The following CFAP299 variants were observed in gnomAD, a reference collection of about 807,000 sequenced individuals.
The protein encoded by CFAP299 is cilia and flagella associated protein 299.
In CFAP299, 21 loss-of-function variants were observed where a neutral mutation model predicts 27.0. The ratio of observed to expected loss-of-function variants is 0.78; its 90% CI spans 0.55 to 1.12. The LOEUF is 1.12. Among genes scored for constraint, CFAP299 ranks in the 50% most tolerant of loss-of-function variants. The pLI is 0.00. For missense variants in CFAP299, 310 were observed against 276.6 expected, an observed-to-expected ratio of 1.12 and a Z score of -0.86; for synonymous variants, 104 against 98.1, an observed-to-expected ratio of 1.06 and a Z score of -0.36.
At chr4:80,348,830 C>A (rs1432906653) in intron 1 of CFAP299, among the ~76,000 whole-genome samples, 1 of 152,186 alleles carries the variant, frequency 6.6e-6, no homozygotes, top group Non-Finnish European at 1.5e-5. Flanking sequence ...TACCTAAAAT[C>A]TCATCTTTAT....
intron 3 of CFAP299, among the ~76,000 whole-genome samples, chr4:80,857,551 A>G (rs1409472608): frequency 1.3e-5 from 2 of 152,174 alleles, no homozygotes; most frequent in Admixed American, 6.5e-5. Flanking sequence ...TTTGTCATAG[A>G]TAGCTGTTAT....
chr4:80,717,716 T>A (rs988294516), intron 3 of CFAP299, among the ~76,000 whole-genome samples: 123 of 152,284 alleles, frequency 8.1e-4, no homozygotes, highest in African/African-American at 2.9e-3. Flanking sequence ...TTAGTTCTAA[T>A]TTTATCAACA....
At chr4:80,671,714 C>T (rs948410092) in intron 3 of CFAP299, among the ~76,000 whole-genome samples, 5 of 152,058 alleles carry the variant, frequency 3.3e-5, no homozygotes, top group African/African-American at 1.2e-4. Context: ...CCTTCATATC[C>T]CTTGTAAGTT....
Position 80,782,743 on chromosome 4 carries a change from G to A in CFAP299, c.334-87250G>A, listed in dbSNP as rs143661907. Among the ~76,000 whole-genome samples, 687 of 105,140 alleles carry A rather than the reference G, an allele frequency of 6.5e-3. 23 individuals are homozygous for A. Among genetic ancestry groups the A allele is most frequent in the African/African-American group, 0.021 (649 of 30,390 alleles). 69.0% of individuals were successfully genotyped at this position (105,140 alleles called of 152,430 possible). On this transcript the variant is annotated intron_variant, in intron 3 of 5. Coordinates refer to ENST00000358105, the MANE Select transcript of CFAP299 (RefSeq NM_152770.3). ...ATGAATATATAATATATTCACATAT[G>A]GCATACATATATGAATATATAATAT...
At chr4:80,481,145 T>C (rs1560586860) in intron 2 of CFAP299, among the ~76,000 whole-genome samples, 1 of 151,972 alleles carries the variant, frequency 6.6e-6, no homozygotes, top group Non-Finnish European at 1.5e-5. Flanking sequence ...GCCAACAGAC[T>C]TTCTATGGAT....
At chr4:80,721,302 A>G (rs1419058600) in intron 3 of CFAP299, among the ~76,000 whole-genome samples, 1 of 152,258 alleles carries the variant, frequency 6.6e-6, no homozygotes, top group Non-Finnish European at 1.5e-5. Flanking sequence ...TAGTGGTGTC[A>G]TAACAAAATA....
intron 2 of CFAP299, among the ~76,000 whole-genome samples, chr4:80,405,151 C>G (rs1726352356): frequency 2.0e-5 from 3 of 152,084 alleles, no homozygotes; most frequent in Non-Finnish European, 4.4e-5. Flanking sequence ...TTTCTTTGCA[C>G]CTGAGCTGCA....
intron 2 of CFAP299, among the ~76,000 whole-genome samples, chr4:80,465,998 A>G (rs1278786351): frequency 2.6e-5 from 4 of 152,158 alleles, no homozygotes; most frequent in Non-Finnish European, 4.4e-5. Flanking sequence ...TTCATTCGGT[A>G]GCCATAACTT....
chr4:80,505,625 A>G (rs1405045844), intron 2 of CFAP299, among the ~76,000 whole-genome samples: 1 of 152,192 alleles, frequency 6.6e-6, no homozygotes, highest in Admixed American at 6.5e-5. Context: ...AAAGGTACCC[A>G]CCAAAGAACT....
intron 3 of CFAP299, among the ~76,000 whole-genome samples, chr4:80,748,105 T>C (rs893514859): frequency 6.6e-6 from 1 of 152,098 alleles, no homozygotes; most frequent in East Asian, 1.9e-4. Context: ...AGCCTCTAGT[T>C]TGAGTTAGGG....
intron 3 of CFAP299, among the ~76,000 whole-genome samples, chr4:80,708,244 G>C (rs1721935518): frequency 6.6e-6 from 1 of 151,600 alleles, no homozygotes; most frequent in Non-Finnish European, 1.5e-5. Context: ...CTTCCTTTTG[G>C]GATGGCTAGT....
chr4:80,606,948 A>G (rs908021189), intron 3 of CFAP299, among the ~76,000 whole-genome samples: 1 of 152,224 alleles, frequency 6.6e-6, no homozygotes, highest in African/African-American at 2.4e-5. Flanking sequence ...TAACTTTGAT[A>G]TAATCATCAT....
At chr4:80,548,241 A>G (rs1049407100) in intron 2 of CFAP299, among the ~76,000 whole-genome samples, 6 of 152,158 alleles carry the variant, frequency 3.9e-5, no homozygotes, top group African/African-American at 1.4e-4. Flanking sequence ...TGGATGTATT[A>G]ATAGCTGGAG....
chr4:80,457,280 C>T (rs184785793), intron 2 of CFAP299, among the ~76,000 whole-genome samples: 213 of 152,246 alleles, frequency 1.4e-3, no homozygotes, highest in Admixed American at 2.4e-3. Context: ...TATTAGCCTA[C>T]GTCCTAATAA....
At chr4:80,390,878 T>TATATATGTATATACACACATATGC (rs1725414030) in intron 2 of CFAP299, among the ~76,000 whole-genome samples, 2 of 66,704 alleles carry the variant, frequency 3.0e-5, no homozygotes, top group African/African-American at 8.4e-5. Context: ...CACATATATG[T>TATATATGTATATACACACATATGC]ATATATGTAT....
chr4:80,790,317 A>G (rs1268973388), intron 3 of CFAP299: 4 of 152,102 alleles, frequency 2.6e-5, no homozygotes, highest in Non-Finnish European at 4.4e-5. Flanking sequence ...AAATTTCACA[A>G]CCCTCAAAGG....
Position 80,488,850 on chromosome 4 carries a change from T to C in CFAP299, c.243-94243T>C, listed in dbSNP as rs1394464915. The stretch of plus-strand genomic sequence containing the variant: ...CTGTTCAAAGAATGGTGGTTCAGCA[T>C]GGAATCTGGAGTTGGATGGCAAAAA... On this transcript the variant is annotated intron_variant, in intron 2 of 5. Coordinates refer to ENST00000358105, the MANE Select transcript of CFAP299 (RefSeq NM_152770.3). Among the ~76,000 whole-genome samples the C allele has an allele frequency of 2.0e-5, 3 of 152,160 alleles. No individual in the cohort carries two copies. The East Asian group carries it at 5.8e-4, about 29-fold the overall frequency.
intron 3 of CFAP299, among the ~76,000 whole-genome samples, chr4:80,850,582 G>T (rs1731461131): frequency 6.6e-6 from 1 of 151,832 alleles, no homozygotes; most frequent in African/African-American, 2.4e-5. Flanking sequence ...TACACAAAAG[G>T]AATTATATGT....
At chr4:80,697,091 C>T (rs147763610) in intron 3 of CFAP299, among the ~76,000 whole-genome samples, 2,609 of 152,118 alleles carry the variant, frequency 0.017, 50 homozygotes, top group Admixed American at 0.059. Context: ...TGCCTGTAAT[C>T]CCAGCACTTT....
Sources: gnomAD v4.1 joint callset for allele counts (sites outside exome capture counted in the v4.1 genomes callset) on GRCh38, gnomAD v4.1.1 for gene constraint, MANE v1.5 for transcripts, NCBI Gene and HGNC (gene_info 2026-07-23, HGNC 2026-07-21) for gene names.